The following RBFOX1 variants were observed in gnomAD, a reference collection of about 807,000 sequenced individuals.
RBFOX1 encodes RNA binding fox-1 homolog 1.
In RBFOX1, 8 loss-of-function variants were observed where a neutral mutation model predicts 57.7. The ratio of observed to expected loss-of-function variants is 0.14; its 90% CI spans 0.08 to 0.25. The LOEUF is 0.25. Among genes scored for constraint, RBFOX1 ranks in the 10% least tolerant of loss-of-function variants. RBFOX1 has a pLI of 1.00. For synonymous variants in RBFOX1, 326 were observed against 222.4 expected (o/e 1.47, Z -4.15); for missense variants, 611 against 548.5 (o/e 1.11, Z -1.14).
At chr16:6,468,033 A>C (rs930235486) in intron 2 of RBFOX1, among the ~76,000 whole-genome samples, 1 of 152,150 alleles carries the variant, frequency 6.6e-6, no homozygotes, top group Admixed American at 6.5e-5. Context: ...CCAGAGAAGG[A>C]GAGTCTGTGT....
intron 3 of RBFOX1, among the ~76,000 whole-genome samples, chr16:7,011,835 A>C (rs1455141190): frequency 6.6e-6 from 1 of 152,182 alleles, no homozygotes; most frequent in Non-Finnish European, 1.5e-5. Context: ...TTGGACAGTG[A>C]TATCAGTCAT....
intron 3 of RBFOX1, among the ~76,000 whole-genome samples, chr16:6,874,497 C>G (rs2061483065): frequency 9.2e-6 from 1 of 108,410 alleles, no homozygotes. Flanking sequence ...GGCGACAGAG[C>G]AAGACTCCAT....
At chr16:7,355,180 C>T (rs1229711038) in intron 4 of RBFOX1, among the ~76,000 whole-genome samples, 1 of 152,130 alleles carries the variant, frequency 6.6e-6, no homozygotes, top group African/African-American at 2.4e-5. Context: ...ATTGGGAGGC[C>T]TGGATTTGAA....
chr16:7,451,747 T>C (rs1183639081), intron 4 of RBFOX1, among the ~76,000 whole-genome samples: 1 of 145,414 alleles, frequency 6.9e-6, no homozygotes, highest in Non-Finnish European at 1.5e-5. Flanking sequence ...AAAACATTTA[T>C]TTCTCATTTT....
At chr16:6,653,634 T>A (rs767726748) in intron 2 of RBFOX1, among the ~76,000 whole-genome samples, 2 of 151,832 alleles carry the variant, frequency 1.3e-5, no homozygotes, top group Admixed American at 6.6e-5. Flanking sequence ...GGTGGATGGA[T>A]GGATGAATGG....
rs796341979 is a variant in RBFOX1, at chr16:7,594,550, G to A, written c.469-999G>A. Among the ~76,000 whole-genome samples, 7 of 152,276 alleles carry A rather than the reference G, an allele frequency of 4.6e-5. No individual in the cohort carries two copies. In the South Asian group the frequency reaches 6.2e-4, roughly 14 times the overall value. ...AACAATGTCAGTGAAGACAAAATACGGATTTTGACAATATAGTTTAGTGGG... is the reference window on the plus strand; with the variant it reads ...AACAATGTCAGTGAAGACAAAATACAGATTTTGACAATATAGTTTAGTGGG... On this transcript the variant is annotated intron_variant, in intron 7 of 15. Transcript: ENST00000550418.
At chr16:6,130,995 T>G (rs1304914726) in intron 1 of RBFOX1, among the ~76,000 whole-genome samples, 1 of 152,188 alleles carries the variant, frequency 6.6e-6, no homozygotes, top group Non-Finnish European at 1.5e-5. Context: ...CAGTGATGTA[T>G]GCACTGATGT....
At chr16:6,537,453 A>C (rs2096750753) in intron 2 of RBFOX1, among the ~76,000 whole-genome samples, 1 of 152,224 alleles carries the variant, frequency 6.6e-6, no homozygotes, top group Non-Finnish European at 1.5e-5. Context: ...ACAACAGTAT[A>C]GATAGACACA....
At chr16:5,346,029 A>G (rs758681959) in intron 1 of RBFOX1, among the ~76,000 whole-genome samples, 6 of 152,166 alleles carry the variant, frequency 3.9e-5, no homozygotes, top group Non-Finnish European at 8.8e-5. Flanking sequence ...CCCTTTCAGT[A>G]TCTGTGCTGA....
At chr16:7,482,778 C>T (rs2151278169) in intron 4 of RBFOX1, among the ~76,000 whole-genome samples, 1 of 152,074 alleles carries the variant, frequency 6.6e-6, no homozygotes, top group South Asian at 2.1e-4. Context: ...AAGCCCCTGC[C>T]TACCCACCTC....
chr16:5,638,248 G>C (rs1199403962), intron 3 of RBFOX1, among the ~76,000 whole-genome samples: 4 of 152,184 alleles, frequency 2.6e-5, no homozygotes, highest in African/African-American at 9.7e-5. Flanking sequence ...CTTGCTATCA[G>C]CCACCCAGAC....
intron 4 of RBFOX1, among the ~76,000 whole-genome samples, chr16:7,377,413 A>T (rs551494666): frequency 6.6e-6 from 1 of 152,346 alleles, no homozygotes; most frequent in South Asian, 2.1e-4. Context: ...TAGGTGACAC[A>T]CAGGAAGAGT....
At chr16:7,215,839 C>G (rs543261037) in intron 4 of RBFOX1, among the ~76,000 whole-genome samples, 7 of 151,712 alleles carry the variant, frequency 4.6e-5, no homozygotes, top group Admixed American at 3.3e-4. Context: ...ATTCTCCTGC[C>G]TCAGCCTCCC....
At chr16:6,598,038 T>G (rs1052310165) in intron 2 of RBFOX1, among the ~76,000 whole-genome samples, 4 of 152,216 alleles carry the variant, frequency 2.6e-5, no homozygotes, top group African/African-American at 9.6e-5. Flanking sequence ...AATGATATCT[T>G]TATGGTTATA....
intron 3 of RBFOX1, among the ~76,000 whole-genome samples, chr16:7,014,827 C>G (rs139808926): frequency 1.3e-5 from 2 of 152,234 alleles, no homozygotes; most frequent in South Asian, 4.1e-4. Flanking sequence ...AGGATTCAAG[C>G]ACTTCTCCTG....
intron 2 of RBFOX1, among the ~76,000 whole-genome samples, chr16:6,623,259 A>G (rs2098259247): frequency 1.3e-5 from 2 of 152,150 alleles, no homozygotes; most frequent in African/African-American, 2.4e-5. Flanking sequence ...TGCACAAGAC[A>G]GAGCTAACCT....
rs758919263 is a variant in RBFOX1 at position 6,376,216 on chromosome 16, C to G, written c.-64+59159C>G. The stretch of plus-strand genomic sequence containing the variant: ...CTCCAGGATCCTTGGGATCACTGGC[C>G]TTGTCATTTATGTTCCTGCTTATGT... On this transcript the variant is annotated intron_variant, in intron 2 of 15. Transcript: ENST00000550418. Among the ~76,000 whole-genome samples, 101 of 152,112 alleles carry G rather than the reference C, an allele frequency of 6.6e-4. 1 individual carries two copies. Among genetic ancestry groups the G allele is most frequent in the Non-Finnish European group, 1.3e-3 (89 of 68,038 alleles).
intron 2 of RBFOX1, among the ~76,000 whole-genome samples, chr16:6,571,427 C>G (rs979690923): frequency 6.6e-6 from 1 of 152,058 alleles, no homozygotes; most frequent in Non-Finnish European, 1.5e-5. Flanking sequence ...TGGCAGAGAC[C>G]CAGTGCTCGG....
chr16:6,864,068 A>G (rs1423838934), intron 3 of RBFOX1, among the ~76,000 whole-genome samples: 1 of 151,182 alleles, frequency 6.6e-6, no homozygotes, highest in Non-Finnish European at 1.5e-5. Context: ...CCTTCTTCAG[A>G]CTACAGGGAG....
Sources: allele counts gnomAD v4.1 joint callset (sites outside exome capture counted in the v4.1 genomes callset), GRCh38; gene constraint gnomAD v4.1.1; transcripts MANE v1.5; gene names NCBI Gene and HGNC (gene_info 2026-07-23, HGNC 2026-07-21).